LIMCH1: variants seen among roughly 807,000 people sequenced by gnomAD.
LIMCH1 encodes the protein LIM and calponin homology domains-containing protein 1.
LIMCH1 carries 113 observed loss-of-function variants against 176.5 expected under a neutral mutation model. The observed-to-expected ratio is 0.64, with a 90% CI of 0.55 to 0.75. LIMCH1 has a LOEUF of 0.75. Ranked by LOEUF, LIMCH1 falls within the 30% of genes least tolerant of loss-of-function variation. The pLI is 0.00. For missense variants in LIMCH1, 1,674 were observed against 1,814.9 expected (o/e 0.92, Z 1.41); for synonymous variants, 619 against 645.9 (o/e 0.96, Z 0.63).
intron 1 of LIMCH1, among the ~76,000 whole-genome samples, chr4:41,402,901 C>T (rs1039306799): frequency 6.6e-6 from 1 of 150,732 alleles, no homozygotes; most frequent in Non-Finnish European, 1.5e-5. Context: ...GGGTGCAGCA[C>T]ACCAGCATGG....
intron 1 of LIMCH1, among the ~76,000 whole-genome samples, chr4:41,464,623 C>G (rs1208267623): frequency 1.3e-5 from 2 of 152,060 alleles, no homozygotes; most frequent in Non-Finnish European, 2.9e-5. Flanking sequence ...ATCTGCCCCC[C>G]TCAGCCTCCC....
At chr4:41,366,366 C>T (rs186440541) in intron 1 of LIMCH1, among the ~76,000 whole-genome samples, 12 of 152,262 alleles carry the variant, frequency 7.9e-5, no homozygotes, top group Admixed American at 6.5e-4. Flanking sequence ...ACTGTTCTTA[C>T]TGGAATTAGG....
Position 41,496,170 on chromosome 4 carries a change from G to A in LIMCH1, c.167+1564G>A, listed in dbSNP as rs553006672. ...TGCAGACCATGTTGGTTCAATTGAAGTGGGTCTTTGGTCCAATTTTTGTTT... is the reference window on the plus strand; with the variant it reads ...TGCAGACCATGTTGGTTCAATTGAAATGGGTCTTTGGTCCAATTTTTGTTT... On this transcript the variant is annotated intron_variant, in intron 2 of 26. Coordinates refer to the LIMCH1 transcript ENST00000313860. 3.9e-5 allele frequency among the ~76,000 whole-genome samples: 6 copies of A among 152,348 alleles called. No individual in the cohort carries two copies. The South Asian group carries it at 1.2e-3, about 32-fold the overall frequency.
In LIMCH1 at chr4:41,631,322, G is replaced by C; in HGVS notation, c.1446G>C (p.Trp482Cys). The change falls in exon 10 of 32, where the codon TGG becomes TGC. Residue 482 changes from tryptophan (W) to cysteine (C), a missense_variant. Physicochemically the swap from Trp to Cys is radical, Grantham distance 215. Coordinates refer to ENST00000503057, the MANE Select transcript of LIMCH1 (RefSeq NM_001330672.2). ...TGACGGAGCTAGATCAGCAGAAATG[G>C]AAGCGGCTTAGCATTGGCAAGGCTG... ...GPVTELDQQK[W>C]KRLSIGKAGP... The C allele has an allele frequency of 6.5e-7, 1 of 1,536,146 alleles. No homozygotes were observed. The highest frequency in any genetic ancestry group is 8.7e-7 in the Non-Finnish European group (1 of 1,146,908).
At chr4:41,473,767 C>G (rs887466942) in intron 1 of LIMCH1, among the ~76,000 whole-genome samples, 2 of 152,186 alleles carry the variant, frequency 1.3e-5, no homozygotes, top group Non-Finnish European at 2.9e-5. Context: ...TATAAAAAGA[C>G]AGCCTACAGA....
chr4:41,668,775 A>G (rs1419339476), intron 21 of LIMCH1, among the ~76,000 whole-genome samples: 1 of 152,224 alleles, frequency 6.6e-6, no homozygotes. Context: ...TCATTGACTC[A>G]TAGTTCCACA....
At chr4:41,404,465 G>T (rs751462196) in intron 1 of LIMCH1, among the ~76,000 whole-genome samples, 1 of 152,100 alleles carries the variant, frequency 6.6e-6, no homozygotes, top group Non-Finnish European at 1.5e-5. Flanking sequence ...GCTCCTTGGG[G>T]AGTATTTTCT....
intron 21 of LIMCH1, among the ~76,000 whole-genome samples, chr4:41,667,409 A>G (rs892790743): frequency 1.4e-5 from 2 of 146,072 alleles, no homozygotes; most frequent in Admixed American, 7.0e-5. Flanking sequence ...ATATATGAGA[A>G]ACGTGTGTGT....
intron 2 of LIMCH1, among the ~76,000 whole-genome samples, chr4:41,522,739 G>T (rs1221962122): frequency 1.3e-5 from 2 of 152,142 alleles, no homozygotes; most frequent in African/African-American, 4.8e-5. Flanking sequence ...CTACTAACCA[G>T]CTCTGGGGAA....
chr4:41,524,577 A>G, intron 3 of LIMCH1: 1 of 887,628 alleles, frequency 1.1e-6, no homozygotes, highest in Non-Finnish European at 1.9e-6. Context: ...TGCAATATAT[A>G]TTCCACTTGA....
rs558250990 is a variant in LIMCH1 at position 41,492,206 on chromosome 4, G to A, written c.97-2330G>A. ...ACCCGAGGCCAGGAGCTGGAGACCA[G>A]TCCGGTCAACATGGCGAAACCCCGT... On this transcript the variant is annotated intron_variant, in intron 1 of 26. Coordinates refer to the LIMCH1 transcript ENST00000313860. 1.8e-3 allele frequency among the ~76,000 whole-genome samples: 281 copies of A among 152,320 alleles called. 1 individual carries two copies. Among genetic ancestry groups the A allele is most frequent in the Admixed American group, 3.4e-3 (52 of 15,312 alleles).
chr4:41,611,822 T>A (rs2091449752), intron 4 of LIMCH1, among the ~76,000 whole-genome samples: 1 of 152,222 alleles, frequency 6.6e-6, no homozygotes, highest in African/African-American at 2.4e-5. Flanking sequence ...TAATCCAAGA[T>A]AATTACTTGC....
intron 2 of LIMCH1, among the ~76,000 whole-genome samples, chr4:41,520,700 G>T (rs1375365923): frequency 6.6e-6 from 1 of 152,004 alleles, no homozygotes; most frequent in East Asian, 1.9e-4. Flanking sequence ...CCTTCTCATT[G>T]GCTCTTACAT....
At chr4:41,535,306 A>G (rs1032342475), upstream of LIMCH1, among the ~76,000 whole-genome samples, 4 of 152,056 alleles carry the variant, frequency 2.6e-5, no homozygotes, top group African/African-American at 9.7e-5. Context: ...AGATGAGTAT[A>G]TTAATTTGCT....
intron 1 of LIMCH1, among the ~76,000 whole-genome samples, chr4:41,467,158 TACACACACACACACACAC>T (rs148147336): frequency 0.016 from 2,294 of 143,540 alleles, 33 homozygotes; most frequent in Non-Finnish European, 0.024. Flanking sequence ...TATGTATATA[TACACACACACACACACAC>T]ACACACACAC....
Position 41,538,243 on chromosome 4 carries a change from T to C in LIMCH1, c.-348T>C. On this transcript the variant is annotated 5_prime_UTR_variant, in exon 1 of 32. Transcript: ENST00000503057. ...TTTTGGGAAAGGAAATGTAAGGGCA[T>C]TTCGGCTGCTGTGCTGGGGCTGACG... 2 of 985,536 alleles carry C rather than the reference T, an allele frequency of 2.0e-6. No individual in the cohort carries two copies. Among genetic ancestry groups the C allele is most frequent in the Non-Finnish European group, 2.4e-6 (2 of 830,016 alleles). 61.0% of individuals were successfully genotyped at this position (985,536 alleles called of 1,614,324 possible).
intron 4 of LIMCH1, chr4:41,612,491 T>C (rs1223991821): frequency 2.9e-6 from 2 of 701,630 alleles, no homozygotes; most frequent in Non-Finnish European, 5.2e-6. Flanking sequence ...TGGATGATAT[T>C]AAATTGAGGT....
intron 1 of LIMCH1, among the ~76,000 whole-genome samples, chr4:41,547,896 T>TATAA (rs1554094827): frequency 2.8e-5 from 4 of 140,762 alleles, no homozygotes; most frequent in East Asian, 2.1e-4. Flanking sequence ...TATATATATA[T>TATAA]AAACAGTGAG....
intron 2 of LIMCH1, among the ~76,000 whole-genome samples, chr4:41,497,855 C>T (rs2072491116): frequency 6.6e-6 from 1 of 151,508 alleles, no homozygotes; most frequent in African/African-American, 2.4e-5. Flanking sequence ...AGCTCTTGCT[C>T]TTAATCACTG....
Sources: gnomAD v4.1 joint callset for allele counts (sites outside exome capture counted in the v4.1 genomes callset) on GRCh38, gnomAD v4.1.1 for gene constraint, MANE v1.5 for transcripts, NCBI Gene and HGNC (gene_info 2026-07-23, HGNC 2026-07-21) for gene names.